The following DYNC2I1 variants were observed in gnomAD, a reference collection of about 807,000 sequenced individuals.
DYNC2I1 encodes cytoplasmic dynein 2 intermediate chain 1.
In DYNC2I1, 89 loss-of-function variants were observed where a neutral mutation model predicts 133.4. The observed-to-expected ratio is 0.67, with a 90% CI of 0.56 to 0.80. The LOEUF (loss-of-function observed/expected upper bound fraction) is 0.80. Ranked by LOEUF, DYNC2I1 falls within the 30% of genes least tolerant of loss-of-function variation. The pLI is 0.00. For missense variants in DYNC2I1, 1,291 were observed against 1,314.5 expected (o/e 0.98, Z 0.28); for synonymous variants, 504 against 484.3 (o/e 1.04, Z -0.54).
At chr7:158,907,811 C>T (rs1261793053) in intron 11 of DYNC2I1, among the ~76,000 whole-genome samples, 1 of 151,890 alleles carries the variant, frequency 6.6e-6, no homozygotes, top group East Asian at 1.9e-4. Context: ...CAGTGTCTTG[C>T]CATGTTGCCC....
intron 11 of DYNC2I1, among the ~76,000 whole-genome samples, chr7:158,908,939 CT>C (rs1486396698): frequency 2.0e-5 from 3 of 152,240 alleles, no homozygotes; most frequent in East Asian, 3.9e-4. Context: ...AAAAATTAGG[CT>C]GTCAGTAAAT....
chr7:158,956,401 C>T (rs1004850335), intron 4 of DYNC2I1, among the ~76,000 whole-genome samples: 2 of 152,214 alleles, frequency 1.3e-5, no homozygotes, highest in African/African-American at 4.8e-5. Context: ...CTGGTCACCA[C>T]GTCCACAGTT....
At chr7:158,860,933 C>T (rs1294510447) in intron 1 of DYNC2I1, among the ~76,000 whole-genome samples, 1 of 152,124 alleles carries the variant, frequency 6.6e-6, no homozygotes, top group African/African-American at 2.4e-5. Flanking sequence ...CTCACCAATC[C>T]GCTTGTGGGG....
chr7:158,888,019 C>CTTTTTTTTTTT (rs545903783), intron 7 of DYNC2I1, among the ~76,000 whole-genome samples: 11 of 96,602 alleles, frequency 1.1e-4, no homozygotes, highest in East Asian at 2.8e-4. Flanking sequence ...AACCATTGTC[C>CTTTTTTTTTTT]TTTTTTTTTT....
chr7:158,938,384 A>C (rs137907830), intron 23 of DYNC2I1, among the ~76,000 whole-genome samples: 1 of 152,216 alleles, frequency 6.6e-6, no homozygotes, highest in Admixed American at 6.5e-5. Flanking sequence ...CTGTCATTCA[A>C]ATATGAGGGA....
intron 17 of DYNC2I1, among the ~76,000 whole-genome samples, chr7:158,925,729 G>A (rs1416725573): frequency 6.6e-6 from 1 of 152,134 alleles, no homozygotes; most frequent in African/African-American, 2.4e-5. Flanking sequence ...GCTGGCAGTT[G>A]TGAGGTGTGT....
At chr7:158,844,337 G>A in the DYNC2I1 span, among the ~76,000 whole-genome samples, 463 of 152,236 alleles carry the variant, frequency 3.0e-3, 12 homozygotes, top group East Asian at 0.076. Flanking sequence ...CAGACCTGGA[G>A]GGCACCTTTG....
At chr7:158,904,631 A>G (rs1846575390) in intron 10 of DYNC2I1, 1 of 152,462 alleles carries the variant, frequency 6.6e-6, no homozygotes, top group Admixed American at 6.5e-5. Flanking sequence ...AAAAACAGTC[A>G]CATCTTATAA....
At chr7:158,940,215 C>A (rs1851204319) in intron 23 of DYNC2I1, among the ~76,000 whole-genome samples, 1 of 152,138 alleles carries the variant, frequency 6.6e-6, no homozygotes. Context: ...ATTTGGGGGA[C>A]AGTTTCAGGA....
chr7:158,844,183 C>A, the DYNC2I1 span, among the ~76,000 whole-genome samples: 1 of 152,140 alleles, frequency 6.6e-6, no homozygotes, highest in African/African-American at 2.4e-5. Flanking sequence ...TGACTCAGTT[C>A]CCAAGTGAGT....
At chr7:158,842,606 A>T in the DYNC2I1 span, among the ~76,000 whole-genome samples, 1 of 152,246 alleles carries the variant, frequency 6.6e-6, no homozygotes, top group Admixed American at 6.5e-5. Flanking sequence ...TAAATAAATG[A>T]TAGCTGTCAC....
At chr7:158,925,796 C>T (rs1050790935) in intron 17 of DYNC2I1, among the ~76,000 whole-genome samples, 1 of 152,152 alleles carries the variant, frequency 6.6e-6, no homozygotes, top group African/African-American at 2.4e-5. Flanking sequence ...CGTGCTGCTC[C>T]GACCTCCTCT....
intron 23 of DYNC2I1, among the ~76,000 whole-genome samples, chr7:158,938,411 C>A (rs1444074332): frequency 6.6e-6 from 1 of 152,126 alleles, no homozygotes; most frequent in Non-Finnish European, 1.5e-5. Flanking sequence ...AAGTCTTTCC[C>A]AGATATACAA....
chr7:158,936,991 C>T (rs1850824023), intron 23 of DYNC2I1, among the ~76,000 whole-genome samples: 1 of 152,120 alleles, frequency 6.6e-6, no homozygotes, highest in South Asian at 2.1e-4. Flanking sequence ...CAGACATACA[C>T]CCACAAGAAA....
In DYNC2I1 at chr7:158,934,199, C is replaced by CCTAATCACTTTATTATTGGCA. The variant is rs1272096861; in HGVS notation, c.2619_2639dup (p.Asn874_Thr880dup). 6.2e-7 allele frequency: 1 copy of CCTAATCACTTTATTATTGGCA among 1,612,422 alleles called. No individual in the cohort carries two copies. The highest frequency in any genetic ancestry group is 8.5e-7 in the Non-Finnish European group (1 of 1,179,508). ...GAATGTTAAATTTCTGCCTTCAGATCCTAATCACTTTATTATTGGCACAGA... is the reference window on the plus strand; with the variant it reads ...GAATGTTAAATTTCTGCCTTCAGATCCTAATCACTTTATTATTGGCACTAATCACTTTATTATTGGCACAGA... On this transcript the variant is annotated inframe_insertion, in exon 22 of 25. Coordinates refer to ENST00000407559, the MANE Select transcript of DYNC2I1 (RefSeq NM_018051.5).
In DYNC2I1 at chr7:158,942,158, G is replaced by A; in HGVS notation, c.3002+10G>A. 1 of 1,530,128 alleles carries A rather than the reference G, an allele frequency of 6.5e-7. No homozygotes were observed. The highest frequency in any genetic ancestry group is 1.4e-5 in the African/African-American group (1 of 72,984). 94.8% of individuals were successfully genotyped at this position (1,530,128 alleles called of 1,614,324 possible). On this transcript the variant is annotated intron_variant, in intron 24 of 24. Coordinates refer to ENST00000407559, the MANE Select transcript of DYNC2I1 (RefSeq NM_018051.5). ...AGGTCTCCCCCAACAGGCAAGTGGG[G>A]AAGCTCTGGACCAGCTGCTGGTTGT...
chr7:158,875,868 C>T (rs1426620125), intron 3 of DYNC2I1, among the ~76,000 whole-genome samples: 2 of 152,206 alleles, frequency 1.3e-5, no homozygotes, highest in South Asian at 2.1e-4. Flanking sequence ...AGACTAAGCC[C>T]TGCTTCTGCG....
intron 4 of DYNC2I1, among the ~76,000 whole-genome samples, chr7:158,952,447 C>T (rs527239432): frequency 6.6e-6 from 1 of 152,266 alleles, no homozygotes; most frequent in South Asian, 2.1e-4. Flanking sequence ...TTAGAGAAGG[C>T]CTCTTCCGTG....
intron 8 of DYNC2I1, among the ~76,000 whole-genome samples, chr7:158,898,741 A>AT (rs1266821886): frequency 6.6e-6 from 1 of 151,570 alleles, no homozygotes; most frequent in Admixed American, 6.6e-5. Context: ...ATTTGTTACT[A>AT]TTTTTTATTT....
Sources: allele counts gnomAD v4.1 joint callset (sites outside exome capture counted in the v4.1 genomes callset), GRCh38; gene constraint gnomAD v4.1.1; transcripts MANE v1.5; gene names NCBI Gene and HGNC (gene_info 2026-07-23, HGNC 2026-07-21).